SNX32: variants seen among roughly 807,000 people sequenced by gnomAD.
SNX32 encodes sorting nexin 32, also known as sorting nexin-32.
A neutral mutation model predicts 57.0 loss-of-function variants in SNX32; 58 were observed. That is an observed-to-expected ratio of 1.02 (90% CI 0.82 to 1.27). SNX32 has a LOEUF of 1.27. Ranked by LOEUF, SNX32 falls within the 50% of genes most tolerant of loss-of-function variation. The probability of loss-of-function intolerance (pLI) is 0.00; values close to 1 mark genes in which losing one functional copy is unlikely to be tolerated. For missense variants in SNX32, 589 were observed against 541.2 expected, an observed-to-expected ratio of 1.09 and a Z score of -0.88; for synonymous variants, 262 against 220.4, an observed-to-expected ratio of 1.19 and a Z score of -1.67.
Position 65,853,343 on chromosome 11 carries a change from AG to A in SNX32, c.*9del. The A allele has an allele frequency of 1.2e-6, 2 of 1,614,030 alleles. No homozygotes were observed. The highest frequency in any genetic ancestry group is 8.5e-7 in the Non-Finnish European group (1 of 1,179,966). ...CTAAAGGGGGAGCCTTAGAGTAGCCAGAGCTCAGCCAGACCCTAATCTGGGA... is the reference window on the plus strand; with the variant it reads ...CTAAAGGGGGAGCCTTAGAGTAGCCAAGCTCAGCCAGACCCTAATCTGGGA... On this transcript the variant is annotated 3_prime_UTR_variant, in exon 13 of 13. Coordinates refer to ENST00000308342, the MANE Select transcript of SNX32 (RefSeq NM_152760.3).
At chr11:65,835,442 G>A (rs1858643479) in intron 1 of SNX32, 1 of 152,128 alleles carries the variant, frequency 6.6e-6, no homozygotes, top group South Asian at 2.1e-4. Flanking sequence ...CAGCCCTAAT[G>A]GCTTCACTTG....
chr11:65,851,950 C>T (rs758810251), intron 9 of SNX32, among the ~76,000 whole-genome samples: 35 of 152,192 alleles, frequency 2.3e-4, no homozygotes, highest in Non-Finnish European at 2.2e-4. Flanking sequence ...GTGCCCAAAC[C>T]TCTGGCAGGC....
chr11:65,839,047 T>C (rs979859581), intron 1 of SNX32, among the ~76,000 whole-genome samples: 3 of 150,424 alleles, frequency 2.0e-5, no homozygotes, highest in Non-Finnish European at 4.4e-5. Flanking sequence ...TAAGTAATTA[T>C]TATTATTATT....
chr11:65,834,668 CTG>C lies in SNX32; in HGVS notation c.36+574_36+575del, dbSNP rs528123573. ...CATCTGTGTGTGTCTCTGTGTGTAT[CTG>C]TGTGTGCACGCATGTGCCTGTGTGT... On this transcript the variant is annotated intron_variant, in intron 1 of 12. Coordinates refer to ENST00000308342, the MANE Select transcript of SNX32 (RefSeq NM_152760.3). Among the ~76,000 whole-genome samples the C allele has an allele frequency of 2.6e-3, 392 of 149,472 alleles. 2 individuals are homozygous for C. Among genetic ancestry groups the C allele is most frequent in the Non-Finnish European group, 4.4e-3 (296 of 67,470 alleles).
At position 65,850,479 on chromosome 11, in the gene SNX32, T is replaced by C. The variant is rs1256230285; in HGVS notation, c.423T>C (p.Phe141=). 7 of 1,614,008 alleles carry C rather than the reference T, an allele frequency of 4.3e-6. No homozygotes were observed. In the African/African-American group the frequency reaches 6.7e-5, roughly 15 times the overall value. The stretch of plus-strand genomic sequence containing the variant: ...AGACAGTTGCGATGCACGAAGTCTT[T>C]CTGCAGCGCCTGGCGGCCCACCCCA... ...FKKTVAMHEV[F]LQRLAAHPTL... Residue 141 remains phenylalanine, a synonymous_variant, in exon 5 of 13, where the codon TTT becomes TTC. Coordinates refer to ENST00000308342, the MANE Select transcript of SNX32 (RefSeq NM_152760.3).
At chr11:65,852,850 A>T in intron 11 of SNX32, 23 bp from the exon 12 acceptor site, 1 of 1,613,786 alleles carries the variant, frequency 6.2e-7, no homozygotes, top group Non-Finnish European at 8.5e-7. Flanking sequence ...CCGGATCCCC[A>T]TGCCTCTTCC....
chr11:65,849,871 G>A (rs1212450941), intron 2 of SNX32, 49 bp from the exon 3 acceptor site: 1 of 1,457,620 alleles, frequency 6.9e-7, no homozygotes, highest in Non-Finnish European at 9.3e-7. Flanking sequence ...ACTTGCTGAG[G>A]CAGGGCTTGG....
intron 1 of SNX32, among the ~76,000 whole-genome samples, chr11:65,837,219 G>C (rs1216765041): frequency 6.6e-6 from 1 of 152,090 alleles, no homozygotes; most frequent in African/African-American, 2.4e-5. Flanking sequence ...TGCTACATCA[G>C]TAATTACAAT....
Position 65,853,314 on chromosome 11 carries a change from T to C in SNX32, c.1191T>C (p.Val397=). 1.9e-6 allele frequency: 3 copies of C among 1,614,118 alleles called. No individual in the cohort carries two copies. The highest frequency in any genetic ancestry group is 1.7e-6 in the Non-Finnish European group (2 of 1,180,008). Residue 397 remains valine, a synonymous_variant, in exon 13 of 13, where the codon GTT becomes GTC. Transcript: ENST00000308342. ...ASTLILRNTL[V]ALKGEP ...CCCTGATTCTCCGGAACACCCTTGT[T>C]GCCCTAAAGGGGGAGCCTTAGAGTA... is the stretch of plus-strand genomic sequence containing the variant.
chr11:65,851,137 A>G lies in SNX32; in HGVS notation c.686A>G (p.Asp229Gly), dbSNP rs1036180803. The G allele has an allele frequency of 6.2e-7, 1 of 1,612,982 alleles. No homozygotes were observed. The highest frequency in any genetic ancestry group is 8.5e-7 in the Non-Finnish European group (1 of 1,179,962). The change falls in exon 7 of 13, where the codon GAC becomes GGC. Residue 229 changes from aspartate to glycine, a missense_variant. Transcript: ENST00000308342. ...TRIRDACLRA[D>G]RVMRAHKCLA... ...ATCCGAGATGCCTGCCTGCGGGCCG[A>G]CCGCGTCATGCGCGCCCACAAGTGT...
chr11:65,849,112 C>T (rs1273166745), intron 1 of SNX32, among the ~76,000 whole-genome samples: 2 of 152,138 alleles, frequency 1.3e-5, no homozygotes, highest in Non-Finnish European at 2.9e-5. Flanking sequence ...CCACTGCACT[C>T]CAGCCTGGGC....
intron 1 of SNX32, among the ~76,000 whole-genome samples, chr11:65,842,988 G>A (rs1287360591): frequency 6.8e-6 from 1 of 146,922 alleles, no homozygotes; most frequent in Non-Finnish European, 1.5e-5. Flanking sequence ...ACTTTGGGAG[G>A]CCGAGACCGG....
chr11:65,835,906 T>C lies in SNX32; in HGVS notation c.36+1805T>C, dbSNP rs553353821. On this transcript the variant is annotated intron_variant, in intron 1 of 12. Coordinates refer to ENST00000308342, the MANE Select transcript of SNX32 (RefSeq NM_152760.3). ...AATGGTCTGCTTCAATGTTTATCTA[T>C]GTATGTTCATCTTCATGGTTAAAGG... is the stretch of plus-strand genomic sequence containing the variant. Among the ~76,000 whole-genome samples the C allele has an allele frequency of 2.0e-5, 3 of 152,296 alleles. No individual in the cohort carries two copies. The East Asian group carries it at 5.8e-4, about 29-fold the overall frequency.
At chr11:65,845,135 TAAAAAAAAAA>T (rs766803127) in intron 1 of SNX32, among the ~76,000 whole-genome samples, 5 of 101,964 alleles carry the variant, frequency 4.9e-5, no homozygotes, top group African/African-American at 1.9e-4. Flanking sequence ...CCCCCTGCTT[TAAAAAAAAAA>T]AAAAAAAAAA....
At chr11:65,837,160 A>C (rs542829006) in intron 1 of SNX32, among the ~76,000 whole-genome samples, 154 of 152,302 alleles carry the variant, frequency 1.0e-3, no homozygotes, top group Non-Finnish European at 1.3e-3. Context: ...AGGAATAAAA[A>C]CAGATGGGAC....
At position 65,853,293 on chromosome 11, in the gene SNX32, G is replaced by C. The variant is rs145602541; in HGVS notation, c.1170G>C (p.Leu390=). 83 of 1,614,104 alleles carry C rather than the reference G, an allele frequency of 5.1e-5. No homozygotes were observed. In the African/African-American group the frequency reaches 8.8e-4, roughly 17 times the overall value. The part of the protein sequence containing the change: ...LELKHAKAST[L]ILRNTLVALK... ...TTTCTCCTCTGCAGGCCAGCACCCTGATTCTCCGGAACACCCTTGTTGCCC... is the reference window on the plus strand; with the variant it reads ...TTTCTCCTCTGCAGGCCAGCACCCTCATTCTCCGGAACACCCTTGTTGCCC... Residue 390 remains leucine (L), a synonymous_variant, in exon 13 of 13, where the codon CTG becomes CTC. Transcript: ENST00000308342.
intron 5 of SNX32, 96 bp downstream of exon 5, chr11:65,850,650 A>G: frequency 6.4e-7 from 1 of 1,559,434 alleles, no homozygotes. Flanking sequence ...AAGGGGCCCA[A>G]GTGGGCCCAA....
Position 65,853,518 on chromosome 11 carries a change from G to C in SNX32, c.*183G>C. 2 of 634,518 alleles carry C rather than the reference G, an allele frequency of 3.2e-6. No individual in the cohort carries two copies. The highest frequency in any genetic ancestry group is 5.5e-5 in the East Asian group (2 of 36,356). 39.3% of individuals were successfully genotyped at this position (634,518 alleles called of 1,614,324 possible). A position where few individuals can be genotyped will look rare whatever the true frequency, so the allele number is the denominator to read the frequency against. Reference sequence around the variant, plus strand: ...ACCACCACCACAGGTGCCAGGCCCTGCAAGACACAGGGCAGCATGGGCATC... The same window carrying C: ...ACCACCACCACAGGTGCCAGGCCCTCCAAGACACAGGGCAGCATGGGCATC... On this transcript the variant is annotated 3_prime_UTR_variant, in exon 13 of 13. Coordinates refer to ENST00000308342, the MANE Select transcript of SNX32 (RefSeq NM_152760.3).
chr11:65,837,817 C>CAA (rs774242704), intron 1 of SNX32, among the ~76,000 whole-genome samples: 11,544 of 71,232 alleles, frequency 0.16, 1,992 homozygotes, highest in East Asian at 0.48. Context: ...AAGACTCTCT[C>CAA]AAAAAAAAAA....
Sources: allele counts gnomAD v4.1 joint callset (sites outside exome capture counted in the v4.1 genomes callset), GRCh38; gene constraint gnomAD v4.1.1; transcripts MANE v1.5; gene names NCBI Gene and HGNC (gene_info 2026-07-23, HGNC 2026-07-21).